Variants in ZFAND2B observed in about 807,000 individuals in gnomAD.
The protein encoded by ZFAND2B is zinc finger AN1-type containing 2B.
A neutral mutation model predicts 38.2 loss-of-function variants in ZFAND2B; 27 were observed. The ratio of observed to expected loss-of-function variants is 0.71; its 90% CI spans 0.52 to 0.97. The LOEUF is 0.97. ZFAND2B is among the 50% of genes least tolerant of loss of function. The pLI is 0.00. For synonymous variants in ZFAND2B, 111 were observed against 119.4 expected (o/e 0.93, Z 0.46); for missense variants, 303 against 331.5 (o/e 0.91, Z 0.67).
chr2:219,208,854 G>T (rs540908168), intron 7 of ZFAND2B, 123 bp from the exon 8 acceptor site: 14 of 1,135,994 alleles, frequency 1.2e-5, no homozygotes, highest in Middle Eastern at 3.9e-4. Context: ...ACCTTGTAGT[G>T]TTGCTATGAA....
In ZFAND2B at chr2:219,206,851, C is replaced by G; in HGVS notation, c.-137C>G. 1 of 946,448 alleles carries G rather than the reference C, an allele frequency of 1.1e-6. No individual in the cohort carries two copies. The highest frequency in any genetic ancestry group is 1.5e-6 in the Non-Finnish European group (1 of 681,322). The allele number at this position is 946,448 out of a possible 1,614,324, so 58.6% of individuals were successfully genotyped here. A position where few individuals can be genotyped will look rare whatever the true frequency, so the allele number is the denominator to read the frequency against. ...CGGCTGGCGCGGGGGCTCCGGTAAC[C>G]CGGGCTGGGCGGGGGAGAGGAAGGG... is the stretch of plus-strand genomic sequence containing the variant. On this transcript the variant is annotated 5_prime_UTR_variant, in exon 1 of 9. Transcript: ENST00000289528.
chr2:219,207,377 C>G lies in ZFAND2B; in HGVS notation c.106C>G (p.His36Asp). The change falls in exon 2 of 9, where the codon CAT (histidine) becomes GAT (aspartate). Residue 36 changes from histidine to aspartate, a missense_variant. Transcript: ENST00000289528. Reference sequence around the variant, plus strand: ...CTGCTCAGGCATCTTCTGCGCAGACCATGTGGCCTACGCCCAGCATCACTG... The same window carrying G: ...CTGCTCAGGCATCTTCTGCGCAGACGATGTGGCCTACGCCCAGCATCACTG... Reference protein sequence around the residue: ...DACSGIFCADHVAYAQHHCGS... With the variant: ...DACSGIFCADDVAYAQHHCGS... The G allele has an allele frequency of 6.2e-7, 1 of 1,613,258 alleles. No individual in the cohort carries two copies.
At chr2:219,208,804 C>T in intron 7 of ZFAND2B, 165 bp downstream of exon 7, 1 of 1,019,726 alleles carries the variant, frequency 9.8e-7, no homozygotes, top group Non-Finnish European at 1.5e-6. Context: ...ACCCATGGAG[C>T]CTTCATTTCC....
rs1441657122 is a variant in ZFAND2B at position 219,209,414 on chromosome 2, C to T, written c.*108C>T. On this transcript the variant is annotated 3_prime_UTR_variant, in exon 9 of 9. Coordinates refer to ENST00000289528, the MANE Select transcript of ZFAND2B (RefSeq NM_138802.3). ...GAGCACCCTGGAGGGCAGAGACAAG[C>T]GGGAGTGATGTGGAGGTCGCCCTGG... is the stretch of plus-strand genomic sequence containing the variant. 1.2e-5 allele frequency: 16 copies of T among 1,373,294 alleles called. No homozygotes were observed. The highest frequency in any genetic ancestry group is 3.7e-5 in the South Asian group (3 of 80,560). 85.1% of individuals were successfully genotyped at this position (1,373,294 alleles called of 1,614,324 possible). A position where few individuals can be genotyped will look rare whatever the true frequency, so the allele number is the denominator to read the frequency against.
Sources: gnomAD v4.1 joint callset for allele counts on GRCh38, gnomAD v4.1.1 for gene constraint, MANE v1.5 for transcripts, NCBI Gene and HGNC (gene_info 2026-07-23, HGNC 2026-07-21) for gene names.